The following SNAP29 variants were observed in gnomAD, a reference collection of about 807,000 sequenced individuals.
SNAP29 encodes the protein synaptosome associated protein 29.
Under a neutral mutation model 27.9 loss-of-function variants are expected in SNAP29, and 13 were observed. That is an observed-to-expected ratio of 0.47 (90% CI 0.30 to 0.74). SNAP29 has a LOEUF of 0.74. SNAP29 is among the 30% of genes least tolerant of loss of function. The probability of loss-of-function intolerance (pLI) is 0.06; values close to 1 mark genes in which losing one functional copy is unlikely to be tolerated. For synonymous variants in SNAP29, 119 were observed against 127.1 expected, an observed-to-expected ratio of 0.94 and a Z score of 0.43; for missense variants, 368 against 336.5, an observed-to-expected ratio of 1.09 and a Z score of -0.73.
chr22:20,870,639 C>T (rs973775429), intron 2 of SNAP29, 106 bp downstream of exon 2: 15 of 1,018,738 alleles, frequency 1.5e-5, no homozygotes, highest in Admixed American at 4.0e-5. Flanking sequence ...ATCCAACAAC[C>T]CTTTAAGTTA....
chr22:20,887,536 A>G, intron 4 of SNAP29, 143 bp from the exon 5 acceptor site: 1 of 855,006 alleles, frequency 1.2e-6, no homozygotes, highest in East Asian at 2.4e-5. Flanking sequence ...GAATCAATTA[A>G]GTCAAGACTC....
chr22:20,865,807 T>A (rs1928444880), intron 1 of SNAP29, among the ~76,000 whole-genome samples: 1 of 152,226 alleles, frequency 6.6e-6, no homozygotes, highest in Non-Finnish European at 1.5e-5. Context: ...CATGGAGTCA[T>A]GTGGACAACA....
At chr22:20,859,858 T>C (rs1453905947) in intron 1 of SNAP29, among the ~76,000 whole-genome samples, 1 of 152,160 alleles carries the variant, frequency 6.6e-6, no homozygotes, top group Non-Finnish European at 1.5e-5. Flanking sequence ...CATCTCCACC[T>C]AACCAACCAA....
chr22:20,861,930 G>A (rs1928333351), intron 1 of SNAP29, among the ~76,000 whole-genome samples: 1 of 152,148 alleles, frequency 6.6e-6, no homozygotes, highest in Non-Finnish European at 1.5e-5. Context: ...ACCACACCTG[G>A]CCTCTGATTT....
chr22:20,879,851 TAAAAAAAAAAA>T (rs361542), intron 2 of SNAP29, among the ~76,000 whole-genome samples: 14 of 98,074 alleles, frequency 1.4e-4, no homozygotes, highest in Admixed American at 1.1e-4. Context: ...TGAAAAAATT[TAAAAAAAAAAA>T]AAAAAAAAAA....
At chr22:20,864,522 A>C (rs1488842810) in intron 1 of SNAP29, among the ~76,000 whole-genome samples, 1 of 152,156 alleles carries the variant, frequency 6.6e-6, no homozygotes, top group African/African-American at 2.4e-5. Context: ...CTGGTCTTGG[A>C]GCAGCCCACT....
chr22:20,864,985 T>C lies in SNAP29; in HGVS notation c.238-5352T>C, dbSNP rs149783444. Among the ~76,000 whole-genome samples, 117 of 152,352 alleles carry C rather than the reference T, an allele frequency of 7.7e-4. 2 individuals carry two copies. The East Asian group carries it at 0.019, about 25-fold the overall frequency. On this transcript the variant is annotated intron_variant, in intron 1 of 4. Coordinates refer to ENST00000215730, the MANE Select transcript of SNAP29 (RefSeq NM_004782.4). ...AGGGAGTCTGGTGGAGAAATGGCAT[T>C]GGACCACATACTCACCGCTAGGTCT...
Position 20,870,374 on chromosome 22 carries a change from A to G in SNAP29, c.275A>G (p.Glu92Gly). ...CAGCGAGGAGTCCTGGAGCGCACAG[A>G]GAAGATGGTGGACAAGATGGACCAA... is the stretch of plus-strand genomic sequence containing the variant. The part of the protein sequence containing the change: ...ARQRGVLERT[E>G]KMVDKMDQDL... Residue 92 changes from glutamate to glycine, a missense_variant, in exon 2 of 5, where the codon GAG (glutamate) becomes GGG (glycine). Glu to Gly is a moderately conservative substitution (Grantham distance 98). Coordinates refer to ENST00000215730, the MANE Select transcript of SNAP29 (RefSeq NM_004782.4). The G allele has an allele frequency of 1.2e-6, 2 of 1,614,200 alleles. No homozygotes were observed. Among genetic ancestry groups the G allele is most frequent in the Non-Finnish European group, 1.7e-6 (2 of 1,180,038 alleles).
chr22:20,860,059 A>G (rs778560956), intron 1 of SNAP29, among the ~76,000 whole-genome samples: 14 of 152,216 alleles, frequency 9.2e-5, no homozygotes, highest in Non-Finnish European at 1.9e-4. Flanking sequence ...ACCTTCAATA[A>G]CAATTATTCT....
chr22:20,874,082 T>G (rs1331788722), intron 2 of SNAP29, among the ~76,000 whole-genome samples: 1 of 149,620 alleles, frequency 6.7e-6, no homozygotes, highest in Non-Finnish European at 1.5e-5. Flanking sequence ...GAGACCATCC[T>G]GGCTAACACG....
Position 20,876,289 on chromosome 22 carries a change from G to T in SNAP29, c.435-4760G>T, listed in dbSNP as rs374566094. ...TTTTTTTTTTTTAAGACAATGTCTC[G>T]CTCTGTCGCCCAGGCTGGAGTGCAG... On this transcript the variant is annotated intron_variant, in intron 2 of 4. Transcript: ENST00000215730. Among the ~76,000 whole-genome samples the T allele has an allele frequency of 1.8e-4, 22 of 120,820 alleles. No individual in the cohort carries two copies. In the South Asian group the frequency reaches 2.8e-3, roughly 15 times the overall value. 79.3% of individuals were successfully genotyped at this position (120,820 alleles called of 152,430 possible).
intron 1 of SNAP29, among the ~76,000 whole-genome samples, chr22:20,865,839 A>G (rs778177538): frequency 2.6e-5 from 4 of 152,222 alleles, no homozygotes; most frequent in South Asian, 2.1e-4. Flanking sequence ...AGTGCGTGAC[A>G]ACACACACAG....
rs1929123464 is a variant in SNAP29, at chr22:20,890,503, A to G, written c.*2667A>G. 2.6e-6 allele frequency: 1 copy of G among 390,730 alleles called. No individual in the cohort carries two copies. The highest frequency in any genetic ancestry group is 2.1e-5 in the African/African-American group (1 of 48,434). 24.2% of individuals were successfully genotyped at this position (390,730 alleles called of 1,614,324 possible). A position where few individuals can be genotyped will look rare whatever the true frequency, so the allele number is the denominator to read the frequency against. On this transcript the variant is annotated 3_prime_UTR_variant, in exon 5 of 5. Coordinates refer to ENST00000215730, the MANE Select transcript of SNAP29 (RefSeq NM_004782.4). Reference sequence around the variant, plus strand: ...CTGGGCGCGGTGGCTCATGCCTGTAATCCCAGTGCTTTGGGAGGCCAAGGC... The same window carrying G: ...CTGGGCGCGGTGGCTCATGCCTGTAGTCCCAGTGCTTTGGGAGGCCAAGGC...
At chr22:20,879,089 C>T (rs906836356) in intron 2 of SNAP29, among the ~76,000 whole-genome samples, 12 of 151,992 alleles carry the variant, frequency 7.9e-5, no homozygotes, top group African/African-American at 1.2e-4. Flanking sequence ...GGGCGGATCA[C>T]GAGGTCAGGA....
intron 1 of SNAP29, among the ~76,000 whole-genome samples, chr22:20,866,676 G>T (rs1219015595): frequency 1.3e-5 from 2 of 152,052 alleles, no homozygotes; most frequent in African/African-American, 4.8e-5. Context: ...GGGTAGCCCC[G>T]CTCACTCCCC....
chr22:20,870,874 C>A (rs1928574765), intron 2 of SNAP29: 2 of 363,980 alleles, frequency 5.5e-6, no homozygotes, highest in Non-Finnish European at 1.1e-5. Flanking sequence ...CAGTGGCTCA[C>A]ACCTGTAATC....
intron 1 of SNAP29, among the ~76,000 whole-genome samples, chr22:20,867,322 C>T (rs1464051766): frequency 2.6e-5 from 4 of 151,890 alleles, no homozygotes; most frequent in East Asian, 1.9e-4. Context: ...GAAGATGGGC[C>T]GTGGCTCTGC....
chr22:20,863,426 G>T (rs1437385568), intron 1 of SNAP29, among the ~76,000 whole-genome samples: 1 of 152,222 alleles, frequency 6.6e-6, no homozygotes, highest in African/African-American at 2.4e-5. Flanking sequence ...TCCCAGCTTG[G>T]CAGGAAAATG....
chr22:20,870,407 A>C lies in SNAP29; in HGVS notation c.308A>C (p.Lys103Thr). 1 of 1,614,172 alleles carries C rather than the reference A, an allele frequency of 6.2e-7. No individual in the cohort carries two copies. Among genetic ancestry groups the C allele is most frequent in the South Asian group, 1.1e-5 (1 of 91,082 alleles). The stretch of plus-strand genomic sequence containing the variant: ...GTGGACAAGATGGACCAAGATTTGA[A>C]GATCAGCCAGAAACACATCAATAGC... ...KMVDKMDQDL[K>T]ISQKHINSIK... is the part of the protein sequence containing the mutation. The change falls in exon 2 of 5, where the codon AAG becomes ACG. Residue 103 changes from lysine (K) to threonine (T), a missense_variant. Physicochemically the swap from Lys to Thr is moderately conservative, Grantham distance 78. Transcript: ENST00000215730.
Sources: gnomAD v4.1 joint callset for allele counts (sites outside exome capture counted in the v4.1 genomes callset) on GRCh38, gnomAD v4.1.1 for gene constraint, MANE v1.5 for transcripts, NCBI Gene and HGNC (gene_info 2026-07-23, HGNC 2026-07-21) for gene names.